Variants in ERG observed in about 807,000 individuals in gnomAD.
ERG encodes ETS transcription factor ERG.
ERG carries 9 observed loss-of-function variants against 55.3 expected under a neutral mutation model. The observed-to-expected ratio is 0.16, with a 90% CI of 0.10 to 0.28. The LOEUF is 0.28. Ranked by LOEUF, ERG falls within the 10% of genes least tolerant of loss-of-function variation. The pLI is 1.00. For synonymous variants in ERG, 223 were observed against 237.3 expected, an observed-to-expected ratio of 0.94 and a Z score of 0.55; for missense variants, 434 against 631.6, an observed-to-expected ratio of 0.69 and a Z score of 3.35.
At chr21:38,622,648 A>T (rs1464659806) in intron 1 of ERG, among the ~76,000 whole-genome samples, 1 of 147,654 alleles carries the variant, frequency 6.8e-6, no homozygotes, top group African/African-American at 2.5e-5. Context: ...TACACATCAC[A>T]CGTCACATAC....
At chr21:38,565,822 C>T (rs2059919446) in intron 2 of ERG, among the ~76,000 whole-genome samples, 2 of 152,156 alleles carry the variant, frequency 1.3e-5, no homozygotes, top group South Asian at 2.1e-4. Context: ...ATCTCAGCCA[C>T]GGGAATGGAA....
chr21:38,379,983 G>C, downstream of ERG: 1 of 1,003,172 alleles, frequency 1.0e-6, no homozygotes. Flanking sequence ...GAGTCAACAA[G>C]ATTTCTTTAA....
At chr21:38,509,857 T>C (rs2059497838) in intron 2 of ERG, among the ~76,000 whole-genome samples, 1 of 152,208 alleles carries the variant, frequency 6.6e-6, no homozygotes, top group Non-Finnish European at 1.5e-5. Flanking sequence ...GGTGCTGTTA[T>C]TATTTTCTCT....
chr21:38,469,198 A>C (rs942813461), intron 1 of ERG, among the ~76,000 whole-genome samples: 8 of 152,086 alleles, frequency 5.3e-5, no homozygotes, highest in Admixed American at 1.3e-4. Context: ...GTCCAGCCTC[A>C]TCCTCAGAAC....
At chr21:38,547,001 C>G (rs2059791930) in intron 2 of ERG, among the ~76,000 whole-genome samples, 1 of 152,166 alleles carries the variant, frequency 6.6e-6, no homozygotes, top group Non-Finnish European at 1.5e-5. Context: ...GAGATTTTTG[C>G]TCTCTGCAGA....
intron 2 of ERG, among the ~76,000 whole-genome samples, chr21:38,441,374 G>A (rs919754841): frequency 6.6e-6 from 1 of 152,166 alleles, no homozygotes; most frequent in Non-Finnish European, 1.5e-5. Flanking sequence ...TGTCTAATCA[G>A]TTGAAGGCCT....
chr21:38,487,178 A>G (rs1393863920), intron 1 of ERG, among the ~76,000 whole-genome samples: 1 of 148,422 alleles, frequency 6.7e-6, no homozygotes, highest in Non-Finnish European at 1.5e-5. Context: ...GAAAGGTACT[A>G]ATAACAATGA....
chr21:38,430,517 T>C (rs892568480), intron 2 of ERG, among the ~76,000 whole-genome samples: 6 of 152,236 alleles, frequency 3.9e-5, no homozygotes, highest in Admixed American at 1.3e-4. Flanking sequence ...GTTCTATTTG[T>C]CACCCACAGA....
chr21:38,592,374 G>A (rs2836545), intron 1 of ERG, among the ~76,000 whole-genome samples: 10,531 of 152,244 alleles, frequency 0.069, 678 homozygotes, highest in African/African-American at 0.17. Context: ...TCAGAGGAAA[G>A]CTGTGAAGCC....
intron 2 of ERG, among the ~76,000 whole-genome samples, chr21:38,537,664 G>GTGTGTGTGCCCCC (rs2059721510): frequency 6.6e-6 from 1 of 152,080 alleles, no homozygotes; most frequent in African/African-American, 2.4e-5. Flanking sequence ...CAAAAAATCA[G>GTGTGTGTGCCCCC]AAAATTACAA....
At chr21:38,527,142 G>A (rs1316573424) in intron 2 of ERG, among the ~76,000 whole-genome samples, 1 of 152,174 alleles carries the variant, frequency 6.6e-6, no homozygotes, top group African/African-American at 2.4e-5. Flanking sequence ...ATCAGGCACT[G>A]CAAACATGGC....
rs936631295 is a variant in ERG at position 38,548,450 on chromosome 21, A to C, written c.-41+27212T>G. Among the ~76,000 whole-genome samples, 3 of 141,658 alleles carry C rather than the reference A, an allele frequency of 2.1e-5. No homozygotes were observed. The Admixed American group carries it at 2.1e-4, about 10-fold the overall frequency. 92.9% of individuals were successfully genotyped at this position (141,658 alleles called of 152,430 possible). On this transcript the variant is annotated intron_variant, in intron 2 of 8. Coordinates refer to the ERG transcript ENST00000398897. ...CTTAAACAGAGACCATTATCATATG[A>C]TTTTTTTTTTTTTTTGAGACGGAAG...
intron 1 of ERG, among the ~76,000 whole-genome samples, chr21:38,622,389 A>G (rs2146944201): frequency 6.7e-6 from 1 of 149,286 alleles, no homozygotes; most frequent in East Asian, 2.0e-4. Flanking sequence ...CACACACCAC[A>G]CACCACACAC....
rs1957123445 is a variant in ERG, at chr21:38,649,328, C to T, written c.-150+12330G>A. Reference sequence around the variant, plus strand: ...ACGTAGCGTTTCTCTCAAAGGTCTCCCTTGATGATGTGGCAAACTGCAAGG... The same window carrying T: ...ACGTAGCGTTTCTCTCAAAGGTCTCTCTTGATGATGTGGCAAACTGCAAGG... On this transcript the variant is annotated intron_variant, in intron 1 of 10. Transcript: ENST00000398910. 2.6e-5 allele frequency among the ~76,000 whole-genome samples: 4 copies of T among 152,090 alleles called. 1 individual carries two copies. In the South Asian group the frequency reaches 8.3e-4, roughly 32 times the overall value.
rs565668163 is a variant in ERG, at chr21:38,539,652, C to T, written c.-41+36010G>A. On this transcript the variant is annotated intron_variant, in intron 2 of 8. Transcript: ENST00000398897. ...GTATTTTTTAAGAGGTCATTTTGAG[C>T]ATATTCCTTACCATTGAAGCCCCTG... is the stretch of plus-strand genomic sequence containing the variant. 8.2e-4 allele frequency among the ~76,000 whole-genome samples: 125 copies of T among 152,228 alleles called. 1 individual carries two copies. The highest frequency in any genetic ancestry group is 2.6e-3 in the African/African-American group (110 of 41,516).
chr21:38,423,416 G>A lies in ERG; in HGVS notation c.382C>T (p.Pro128Ser), dbSNP rs2146502226. ...MTTNERRVIV[P>S]ADPTLWSTDH... ...GAAGCTGTGGGCACCTGACCTGCTG[G>A]CACGATAACTCTGCGCTCGTTCGTG... Residue 128 changes from proline to serine, a missense_variant, in exon 3 of 10, where the codon CCA becomes TCA. By Grantham distance (74) the Pro-to-Ser change is moderately conservative. Around this residue, in one of 5 missense-constraint regions of ERG, gnomAD observed 212 missense variants for 262.9 expected, o/e 0.81. Coordinates refer to ENST00000288319, the MANE Select transcript of ERG (RefSeq NM_182918.4). The A allele has an allele frequency of 1.2e-6, 2 of 1,612,768 alleles. No homozygotes were observed. Among genetic ancestry groups the A allele is most frequent in the Non-Finnish European group, 1.7e-6 (2 of 1,179,094 alleles).
At chr21:38,459,946 G>C (rs2059025523) in intron 1 of ERG, among the ~76,000 whole-genome samples, 1 of 152,176 alleles carries the variant, frequency 6.6e-6, no homozygotes, top group African/African-American at 2.4e-5. Flanking sequence ...TTTCAAGCCT[G>C]ATCTCAGGGT....
Position 38,579,017 on chromosome 21 carries a change from C to T in ERG, c.-126-3270G>A, listed in dbSNP as rs541098481. Among the ~76,000 whole-genome samples, 9 of 152,258 alleles carry T rather than the reference C, an allele frequency of 5.9e-5. No homozygotes were observed. The South Asian group carries it at 1.9e-3, about 32-fold the overall frequency. On this transcript the variant is annotated intron_variant, in intron 1 of 8. Coordinates refer to the ERG transcript ENST00000398897. ...CTCACCTACGAGACATGATCTCAAA[C>T]CCTAATCCTGCCCTCAAAATGGGTT...
chr21:38,595,190 C>T (rs1318730588), intron 1 of ERG, among the ~76,000 whole-genome samples: 1 of 152,052 alleles, frequency 6.6e-6, no homozygotes, highest in East Asian at 1.9e-4. Context: ...TTTTGGAGCA[C>T]CTGCCGAGCA....
Sources: allele counts gnomAD v4.1 joint callset (sites outside exome capture counted in the v4.1 genomes callset), GRCh38; gene constraint gnomAD v4.1.1; regional missense constraint gnomAD v4.1.1; transcripts MANE v1.5; gene names NCBI Gene and HGNC (gene_info 2026-07-23, HGNC 2026-07-21).